Variants in VPS39 observed in about 807,000 individuals in gnomAD.
VPS39 encodes vam6/Vps39-like protein.
Under a neutral mutation model 121.0 loss-of-function variants are expected in VPS39, and 70 were observed. The observed-to-expected ratio is 0.58, with a 90% confidence interval of 0.48 to 0.71. The LOEUF (loss-of-function observed/expected upper bound fraction) is 0.71. VPS39 is among the 30% of genes least tolerant of loss of function. VPS39 has a pLI of 0.00. For missense variants in VPS39, 818 were observed against 1,051.5 expected, an observed-to-expected ratio of 0.78 and a Z score of 3.07; for synonymous variants, 378 against 398.1, an observed-to-expected ratio of 0.95 and a Z score of 0.60.
intron 24 of VPS39, chr15:42,161,053 G>A (rs962030432): frequency 3.7e-6 from 2 of 540,950 alleles, no homozygotes; most frequent in African/African-American, 1.9e-5. Flanking sequence ...AGAGTGCATG[G>A]GGTATTTTTT....
At chr15:42,177,849 T>TGGAGACAG (rs2049488263) in intron 10 of VPS39, among the ~76,000 whole-genome samples, 1 of 152,156 alleles carries the variant, frequency 6.6e-6, no homozygotes, top group Non-Finnish European at 1.5e-5. Context: ...GTATTTTTAG[T>TGGAGACAG]GGAGACAGGG....
chr15:42,201,120 C>G (rs616071), intron 1 of VPS39, among the ~76,000 whole-genome samples: 10,026 of 152,130 alleles, frequency 0.066, 864 homozygotes, highest in African/African-American at 0.18. Context: ...ATTTATTGTG[C>G]TGATAGTTGC....
In VPS39 at chr15:42,160,641, G is replaced by A. The variant is rs2049109232; in HGVS notation, c.*113C>T. 2 of 926,598 alleles carry A rather than the reference G, an allele frequency of 2.2e-6. No homozygotes were observed. Among genetic ancestry groups the A allele is most frequent in the African/African-American group, 1.6e-5 (1 of 61,674 alleles). 57.4% of individuals were successfully genotyped at this position (926,598 alleles called of 1,614,324 possible). On this transcript the variant is annotated 3_prime_UTR_variant, in exon 25 of 25. Transcript: ENST00000318006. Reference sequence around the variant, plus strand: ...TCCAGGGCACAAGATAGCCAGTAATGTCCAAATGGGGAGCCTTGTGGTGGT... The same window carrying A: ...TCCAGGGCACAAGATAGCCAGTAATATCCAAATGGGGAGCCTTGTGGTGGT...
At chr15:42,161,921 C>T in intron 23 of VPS39, 111 bp downstream of exon 23, 1 of 1,591,260 alleles carries the variant, frequency 6.3e-7, no homozygotes, top group Non-Finnish European at 8.6e-7. Context: ...GCTACTGGAT[C>T]AGCTTGAGCT....
intron 8 of VPS39, among the ~76,000 whole-genome samples, chr15:42,180,015 T>C (rs1566900028): frequency 6.6e-6 from 1 of 152,190 alleles, no homozygotes; most frequent in Non-Finnish European, 1.5e-5. Context: ...TTCCACCATG[T>C]GAAGGAGCAT....
chr15:42,190,090 C>G (rs1173545814), intron 4 of VPS39, among the ~76,000 whole-genome samples: 1 of 152,086 alleles, frequency 6.6e-6, no homozygotes, highest in Non-Finnish European at 1.5e-5. Context: ...GCTGGGATTA[C>G]TGGTGTGAGC....
Position 42,178,554 on chromosome 15 carries a change from G to A in VPS39, c.735C>T (p.Tyr245=), listed in dbSNP as rs1366275775. ...IPVAMEHQPP[Y]IIAVLPRYVE... ...CATATCGAGGCAACACTGCAATGATGTAGGGAGGCTGGTGCTCTGTGAAAG... is the reference window on the plus strand; with the variant it reads ...CATATCGAGGCAACACTGCAATGATATAGGGAGGCTGGTGCTCTGTGAAAG... Residue 245 remains tyrosine, a synonymous_variant, in exon 9 of 25, where the codon TAC becomes TAT. Transcript: ENST00000318006. The A allele has an allele frequency of 3.1e-6, 5 of 1,614,144 alleles. No homozygotes were observed. Among genetic ancestry groups the A allele is most frequent in the Non-Finnish European group, 3.4e-6 (4 of 1,180,034 alleles).
intron 12 of VPS39, among the ~76,000 whole-genome samples, 159 bp from the exon 13 acceptor site, chr15:42,167,696 C>A (rs761351434): frequency 6.6e-6 from 1 of 152,150 alleles, no homozygotes; most frequent in Non-Finnish European, 1.5e-5. Flanking sequence ...ACAGAGACAA[C>A]AACAATTATT....
At chr15:42,166,991 C>T in intron 13 of VPS39, 78 bp from the exon 14 acceptor site, 3 of 1,585,404 alleles carry the variant, frequency 1.9e-6, no homozygotes, top group Non-Finnish European at 1.7e-6. Flanking sequence ...CTGCTCTAGG[C>T]TGAAAGGCCA....
rs1297982269 is a variant in VPS39 at position 42,171,602 on chromosome 15, T to G, written c.1091-1736A>C. ...GTGTCTATATGTAGTAAAATATACA[T>G]GCCACAATATTTATCCTTTTAACCA... is the stretch of plus-strand genomic sequence containing the variant. On this transcript the variant is annotated intron_variant, in intron 11 of 24. Transcript: ENST00000318006. Among the ~76,000 whole-genome samples the G allele has an allele frequency of 5.3e-5, 8 of 152,368 alleles. No individual in the cohort carries two copies. The East Asian group carries it at 1.5e-3, about 29-fold the overall frequency.
intron 1 of VPS39, among the ~76,000 whole-genome samples, chr15:42,206,435 A>C (rs1031331369): frequency 2.0e-5 from 3 of 152,220 alleles, no homozygotes; most frequent in Admixed American, 6.5e-5. Context: ...GTGATCAAGG[A>C]AGGCCAAAAG....
chr15:42,164,602 T>G, intron 18 of VPS39, 116 bp from the exon 19 acceptor site: 2 of 1,471,168 alleles, frequency 1.4e-6, no homozygotes, highest in Non-Finnish European at 1.8e-6. Context: ...AGAAAGGGCC[T>G]CCAGGGTGGC....
chr15:42,186,029 G>A (rs770836025), intron 7 of VPS39, among the ~76,000 whole-genome samples: 4 of 152,154 alleles, frequency 2.6e-5, no homozygotes, highest in Non-Finnish European at 4.4e-5. Context: ...ACCATCTGTA[G>A]GCCTACTTGC....
rs1230146332 is a variant in VPS39 at position 42,170,003 on chromosome 15, T to C, written c.1091-137A>G. ...AAAAAAGACTCTCAGTTCATAAACA[T>C]TCAACGAGCTGTAGACTTATGATTT... On this transcript the variant is annotated intron_variant, in intron 11 of 24. Transcript: ENST00000318006. 2.9e-6 allele frequency: 3 copies of C among 1,023,074 alleles called. No homozygotes were observed. The African/African-American group carries it at 4.8e-5, about 17-fold the overall frequency. 63.4% of individuals were successfully genotyped at this position (1,023,074 alleles called of 1,614,324 possible). A position where few individuals can be genotyped will look rare whatever the true frequency, so the allele number is the denominator to read the frequency against.
Position 42,162,351 on chromosome 15 carries a change from C to T in VPS39, c.2306G>A (p.Ser769Asn), listed in dbSNP as rs757401116. The change falls in exon 22 of 25, where the codon AGC (serine) becomes AAC (asparagine). Residue 769 changes from serine to asparagine, a missense_variant. Physicochemically the swap from Ser to Asn is conservative, Grantham distance 46 (BLOSUM62 1). Coordinates refer to ENST00000318006, the MANE Select transcript of VPS39 (RefSeq NM_015289.5). Reference protein sequence around the residue: ...AALQVLELHHSKLDTTKALNL... With the variant: ...AALQVLELHHNKLDTTKALNL... The stretch of plus-strand genomic sequence containing the variant: ...CCTGACCTTGGTGGTGTCCAGTTTG[C>T]TGTGGTGTAGCTCGAGGACCTGCAG... 17 of 1,612,198 alleles carry T rather than the reference C, an allele frequency of 1.1e-5. No individual in the cohort carries two copies. The East Asian group carries it at 2.0e-4, about 19-fold the overall frequency.
At chr15:42,196,724 TG>T (rs1346815600) in intron 2 of VPS39, among the ~76,000 whole-genome samples, 1 of 152,206 alleles carries the variant, frequency 6.6e-6, no homozygotes, top group Non-Finnish European at 1.5e-5. Context: ...ACACTGTTGG[TG>T]GGACTGTAAA....
intron 21 of VPS39, among the ~76,000 whole-genome samples, 175 bp downstream of exon 21, chr15:42,163,175 C>T (rs2049170292): frequency 6.6e-6 from 1 of 152,096 alleles, no homozygotes; most frequent in Non-Finnish European, 1.5e-5. Flanking sequence ...CCAGAACTAC[C>T]CCAAGCACAC....
At chr15:42,199,403 G>C (rs767145144) in intron 2 of VPS39, among the ~76,000 whole-genome samples, 5 of 152,076 alleles carry the variant, frequency 3.3e-5, no homozygotes, top group Non-Finnish European at 7.4e-5. Flanking sequence ...ACTGATGTTG[G>C]AAAGAACTTG....
At position 42,159,358 on chromosome 15, in the gene VPS39, C is replaced by T. The variant is rs1476617164; in HGVS notation, c.*1396G>A. The T allele has an allele frequency of 6.6e-6, 1 of 152,356 alleles. No homozygotes were observed. Among genetic ancestry groups the T allele is most frequent in the African/African-American group, 2.4e-5 (1 of 41,456 alleles). The allele number at this position is 152,356 out of a possible 1,614,324, so 9.4% of individuals were successfully genotyped here. On this transcript the variant is annotated 3_prime_UTR_variant, in exon 25 of 25. Coordinates refer to ENST00000318006, the MANE Select transcript of VPS39 (RefSeq NM_015289.5). ...TAAAACTGTTGGTGCTGGGCACCAT[C>T]ACCCACCCTCACCACCATCAAAGAC...
Sources: gnomAD v4.1 joint callset for allele counts (sites outside exome capture counted in the v4.1 genomes callset) on GRCh38, gnomAD v4.1.1 for gene constraint, MANE v1.5 for transcripts, NCBI Gene and HGNC (gene_info 2026-07-23, HGNC 2026-07-21) for gene names.